Variants in SPAG16 observed in about 807,000 individuals in gnomAD.
The protein encoded by SPAG16 is sperm associated antigen 16.
Under a neutral mutation model 80.4 loss-of-function variants are expected in SPAG16, and 86 were observed. The observed-to-expected ratio is 1.07, with a 90% confidence interval of 0.90 to 1.28. The LOEUF (loss-of-function observed/expected upper bound fraction) is 1.28. Among genes scored for constraint, SPAG16 ranks in the 50% most tolerant of loss-of-function variants. SPAG16 has a pLI of 0.00. For synonymous variants in SPAG16, 294 were observed against 265.9 expected (o/e 1.11, Z -1.03); for missense variants, 870 against 765.3 (o/e 1.14, Z -1.61).
intron 14 of SPAG16, among the ~76,000 whole-genome samples, chr2:214,135,423 G>C (rs1234130294): frequency 6.6e-6 from 1 of 152,012 alleles, no homozygotes; most frequent in East Asian, 1.9e-4. Flanking sequence ...TAGCTGTTTT[G>C]GTGTGTTTTA....
At chr2:213,867,331 CT>C (rs1417934871) in intron 11 of SPAG16, among the ~76,000 whole-genome samples, 2 of 152,180 alleles carry the variant, frequency 1.3e-5, no homozygotes, top group Non-Finnish European at 2.9e-5. Context: ...TTAGCACTAT[CT>C]TTGTACTACT....
chr2:214,357,296 C>T (rs1698880608), intron 15 of SPAG16, among the ~76,000 whole-genome samples: 1 of 151,788 alleles, frequency 6.6e-6, no homozygotes, highest in South Asian at 2.1e-4. Flanking sequence ...GGAATAATTT[C>T]TCTCCATATC....
intron 15 of SPAG16, among the ~76,000 whole-genome samples, chr2:214,337,619 A>G (rs1304576669): frequency 1.3e-5 from 2 of 152,150 alleles, no homozygotes; most frequent in Non-Finnish European, 2.9e-5. Context: ...CAGACCTCCT[A>G]TGGGTATTTT....
At chr2:214,353,983 G>T (rs1258989049) in intron 15 of SPAG16, among the ~76,000 whole-genome samples, 1 of 151,964 alleles carries the variant, frequency 6.6e-6, no homozygotes, top group East Asian at 1.9e-4. Context: ...CCTCAATAAA[G>T]ATATACACAA....
At chr2:213,431,348 A>G (rs796116675) in intron 9 of SPAG16, among the ~76,000 whole-genome samples, 3 of 152,182 alleles carry the variant, frequency 2.0e-5, no homozygotes, top group African/African-American at 7.2e-5. Context: ...AAAGATATAG[A>G]TTGGCAGAAT....
chr2:213,725,657 G>A (rs530084302), intron 10 of SPAG16, among the ~76,000 whole-genome samples: 33 of 152,212 alleles, frequency 2.2e-4, no homozygotes, highest in Non-Finnish European at 4.1e-4. Flanking sequence ...CTTAGCAACA[G>A]TGAGAAAAGA....
At chr2:213,403,773 G>C (rs989021764) in intron 9 of SPAG16, among the ~76,000 whole-genome samples, 1 of 152,196 alleles carries the variant, frequency 6.6e-6, no homozygotes, top group Non-Finnish European at 1.5e-5. Context: ...AATTGTCCCT[G>C]TTTGCAGATG....
rs1301750665 is a variant in SPAG16, at chr2:214,335,486, A to G, written c.1721-74654A>G. On this transcript the variant is annotated intron_variant, in intron 15 of 15. Coordinates refer to ENST00000331683, the MANE Select transcript of SPAG16 (RefSeq NM_024532.5). ...CATGGAGGAATATATATATATATAGATATATATATAATTTCAACCTTTCCA... is the reference window on the plus strand; with the variant it reads ...CATGGAGGAATATATATATATATAGGTATATATATAATTTCAACCTTTCCA... Among the ~76,000 whole-genome samples the G allele has an allele frequency of 7.3e-5, 11 of 151,070 alleles. No homozygotes were observed. The South Asian group carries it at 2.1e-3, about 29-fold the overall frequency.
At chr2:213,595,853 A>G (rs1258382787) in intron 10 of SPAG16, among the ~76,000 whole-genome samples, 1 of 152,122 alleles carries the variant, frequency 6.6e-6, no homozygotes, top group Non-Finnish European at 1.5e-5. Context: ...TTATTAAAAT[A>G]GAGTATTTAT....
At chr2:213,757,640 G>C (rs1273834884) in intron 10 of SPAG16, among the ~76,000 whole-genome samples, 1 of 152,044 alleles carries the variant, frequency 6.6e-6, no homozygotes, top group Non-Finnish European at 1.5e-5. Flanking sequence ...AGCTTGCATG[G>C]CGAATTATGA....
chr2:213,464,194 G>T (rs892648197), intron 9 of SPAG16, among the ~76,000 whole-genome samples: 3 of 152,196 alleles, frequency 2.0e-5, no homozygotes, highest in African/African-American at 4.8e-5. Context: ...GGTGAGAAAA[G>T]GCTGTCCTTA....
chr2:214,149,753 A>G (rs568997423), intron 15 of SPAG16, among the ~76,000 whole-genome samples: 7 of 152,200 alleles, frequency 4.6e-5, no homozygotes, highest in East Asian at 3.9e-4. Context: ...TATTGTTGCA[A>G]TTATGTGCTG....
chr2:213,321,448 C>G (rs2063604588), intron 5 of SPAG16, among the ~76,000 whole-genome samples: 2 of 152,010 alleles, frequency 1.3e-5, no homozygotes, highest in African/African-American at 4.8e-5. Context: ...ATGAGTCAAG[C>G]TATGTTAAAG....
chr2:214,109,819 A>C (rs2053573766), intron 14 of SPAG16, among the ~76,000 whole-genome samples: 2 of 152,290 alleles, frequency 1.3e-5, no homozygotes, highest in Non-Finnish European at 2.9e-5. Flanking sequence ...GGAAAAATTT[A>C]AGCACTATGG....
intron 10 of SPAG16, among the ~76,000 whole-genome samples, chr2:213,821,340 A>C (rs1382535945): frequency 6.6e-6 from 1 of 152,152 alleles, no homozygotes; most frequent in Non-Finnish European, 1.5e-5. Flanking sequence ...TCAAAAGTTG[A>C]AAGCAAAATG....
intron 15 of SPAG16, among the ~76,000 whole-genome samples, chr2:214,384,630 T>C (rs1700646092): frequency 6.6e-6 from 1 of 152,222 alleles, no homozygotes; most frequent in Admixed American, 6.5e-5. Flanking sequence ...ATCTGTATCC[T>C]TCACCAAGCA....
intron 9 of SPAG16, among the ~76,000 whole-genome samples, chr2:213,413,431 C>A (rs2069094156): frequency 6.6e-6 from 1 of 152,022 alleles, no homozygotes; most frequent in Non-Finnish European, 1.5e-5. Flanking sequence ...TGTATATCTA[C>A]AAATTAATTA....
chr2:213,713,084 A>G (rs991712958), intron 10 of SPAG16, among the ~76,000 whole-genome samples: 4 of 152,176 alleles, frequency 2.6e-5, no homozygotes, highest in Non-Finnish European at 4.4e-5. Flanking sequence ...TCATAAAACC[A>G]TCAGGTCTGG....
At chr2:213,324,955 T>G (rs577381103) in intron 5 of SPAG16, among the ~76,000 whole-genome samples, 6 of 152,242 alleles carry the variant, frequency 3.9e-5, no homozygotes, top group African/African-American at 1.4e-4. Context: ...TTGTGGCATC[T>G]TGTATTTTTG....
Sources: allele counts gnomAD v4.1 joint callset (sites outside exome capture counted in the v4.1 genomes callset), GRCh38; gene constraint gnomAD v4.1.1; transcripts MANE v1.5; gene names NCBI Gene and HGNC (gene_info 2026-07-23, HGNC 2026-07-21).